Variants in SLC24A3 observed in about 807,000 individuals in gnomAD.
The protein encoded by SLC24A3 is solute carrier family 24 member 3.
SLC24A3 carries 28 observed loss-of-function variants against 75.8 expected under a neutral mutation model. The ratio of observed to expected loss-of-function variants is 0.37; its 90% CI spans 0.27 to 0.51. SLC24A3 has a LOEUF of 0.51. Ranked by LOEUF, SLC24A3 falls within the 20% of genes least tolerant of loss-of-function variation. The probability of loss-of-function intolerance (pLI) is 0.94; values close to 1 mark genes in which losing one functional copy is unlikely to be tolerated. For missense variants in SLC24A3, 663 were observed against 847.8 expected, an observed-to-expected ratio of 0.78 and a Z score of 2.71; for synonymous variants, 372 against 334.1, an observed-to-expected ratio of 1.11 and a Z score of -1.24.
At chr20:19,249,062 G>T (rs1982576034) in intron 1 of SLC24A3, among the ~76,000 whole-genome samples, 1 of 151,878 alleles carries the variant, frequency 6.6e-6, no homozygotes, top group Non-Finnish European at 1.5e-5. Flanking sequence ...AAGTATTTGA[G>T]ATAACGAATA....
chr20:19,471,922 C>T (rs1987880110), intron 2 of SLC24A3, among the ~76,000 whole-genome samples: 2 of 152,178 alleles, frequency 1.3e-5, no homozygotes, highest in South Asian at 4.1e-4. Flanking sequence ...TAATAGTCTG[C>T]AAATCTCTGC....
At chr20:19,424,460 C>T (rs1454169099) in intron 2 of SLC24A3, among the ~76,000 whole-genome samples, 1 of 151,730 alleles carries the variant, frequency 6.6e-6, no homozygotes. Flanking sequence ...GAGGCTGAGG[C>T]GGGTGAATCA....
intron 1 of SLC24A3, among the ~76,000 whole-genome samples, chr20:19,275,785 C>T (rs747657158): frequency 2.0e-5 from 3 of 152,178 alleles, no homozygotes; most frequent in Non-Finnish European, 4.4e-5. Flanking sequence ...GGTTTCCTCC[C>T]CTTCTAGCCA....
chr20:19,468,952 T>C (rs1741261405), intron 2 of SLC24A3, among the ~76,000 whole-genome samples: 1 of 152,120 alleles, frequency 6.6e-6, no homozygotes, highest in African/African-American at 2.4e-5. Flanking sequence ...ATTGGAGCCC[T>C]GAGGGTTCTA....
rs541776083 is a variant in SLC24A3 at position 19,693,331 on chromosome 20, A to G, written c.1397A>G (p.Asn466Ser). The G allele has an allele frequency of 6.2e-7, 1 of 1,614,092 alleles. No individual in the cohort carries two copies. Among genetic ancestry groups the G allele is most frequent in the Admixed American group, 1.7e-5 (1 of 60,022 alleles). The change falls in exon 13 of 17, where the codon AAC (asparagine) becomes AGC (serine). Residue 466 changes from asparagine to serine, a missense_variant. Transcript: ENST00000328041. ...LSFVLYFTVP[N>S]CNKPRWEKWF... is the part of the protein sequence containing the mutation. ...TTCGTCTTATACTTCACTGTACCCA[A>G]CTGCAACAAGCCGCGCTGGGAGAAA...
chr20:19,396,950 A>ACGGCCTGT (rs1568607751), intron 2 of SLC24A3, among the ~76,000 whole-genome samples: 2 of 152,194 alleles, frequency 1.3e-5, no homozygotes, highest in African/African-American at 4.8e-5. Context: ...ATATGTACCC[A>ACGGCCTGT]CGGCCTGTGT....
At chr20:19,368,645 C>T (rs1161793446) in intron 2 of SLC24A3, among the ~76,000 whole-genome samples, 2 of 152,250 alleles carry the variant, frequency 1.3e-5, no homozygotes, top group Non-Finnish European at 2.9e-5. Flanking sequence ...GGTACATCTG[C>T]TTCACCTCTC....
Position 19,721,406 on chromosome 20 carries a change from A to C in SLC24A3, c.*266A>C. ...CGTGACTTTTCCAGCTCCATTTTTG[A>C]ACAGTGACTGAGATTCTAGAAAAAC... On this transcript the variant is annotated 3_prime_UTR_variant, in exon 17 of 17. Coordinates refer to ENST00000328041, the MANE Select transcript of SLC24A3 (RefSeq NM_020689.4). 1 of 390,760 alleles carries C rather than the reference A, an allele frequency of 2.6e-6. No homozygotes were observed. The highest frequency in any genetic ancestry group is 4.2e-5 in the Admixed American group (1 of 23,796). The allele number at this position is 390,760 out of a possible 1,614,324, so 24.2% of individuals were successfully genotyped here.
intron 1 of SLC24A3, among the ~76,000 whole-genome samples, chr20:19,244,591 G>GGCAGC (rs1463090642): frequency 9.2e-5 from 14 of 152,274 alleles, no homozygotes; most frequent in African/African-American, 3.1e-4. Context: ...GGTGGGAGAA[G>GGCAGC]GCAGCGGCAG....
chr20:19,223,696 T>C (rs1276967430), intron 1 of SLC24A3, among the ~76,000 whole-genome samples: 2 of 152,218 alleles, frequency 1.3e-5, no homozygotes, highest in Non-Finnish European at 2.9e-5. Flanking sequence ...CAAAATATCT[T>C]CTTGTACTGT....
intron 6 of SLC24A3, among the ~76,000 whole-genome samples, chr20:19,590,359 G>A (rs1221186916): frequency 6.6e-6 from 1 of 151,896 alleles, no homozygotes; most frequent in Non-Finnish European, 1.5e-5. Flanking sequence ...CTATCTTATT[G>A]TTCCCCAGAC....
intron 1 of SLC24A3, among the ~76,000 whole-genome samples, chr20:19,233,382 G>T (rs1982079503): frequency 6.6e-6 from 1 of 152,360 alleles, no homozygotes; most frequent in East Asian, 1.9e-4. Context: ...ATACATGGAC[G>T]CATCTTGTCC....
intron 6 of SLC24A3, among the ~76,000 whole-genome samples, chr20:19,611,867 C>G (rs920303246): frequency 6.6e-6 from 1 of 152,184 alleles, no homozygotes; most frequent in African/African-American, 2.4e-5. Context: ...CATAAAGCAG[C>G]CTTTGGCGCA....
At position 19,566,830 on chromosome 20, in the gene SLC24A3, C is replaced by T. The variant is rs569215206; in HGVS notation, c.349-13170C>T. 6.6e-5 allele frequency among the ~76,000 whole-genome samples: 10 copies of T among 152,256 alleles called. No individual in the cohort carries two copies. In the South Asian group the frequency reaches 2.1e-3, roughly 32 times the overall value. On this transcript the variant is annotated intron_variant, in intron 3 of 16. Transcript: ENST00000328041. ...TGGCAGCAGGGCTTCAGGAGGATGG[C>T]AGTGAGAGGGGATTTCACTTTTTCA...
intron 8 of SLC24A3, among the ~76,000 whole-genome samples, chr20:19,671,039 CA>C (rs1488739063): frequency 6.6e-6 from 1 of 152,106 alleles, no homozygotes; most frequent in Non-Finnish European, 1.5e-5. Context: ...AATATATAAA[CA>C]AGATAATCAC....
In SLC24A3 at chr20:19,560,342, CTGT is replaced by C. The variant is rs571371520; in HGVS notation, c.349-19650_349-19648del. 3.0e-3 allele frequency among the ~76,000 whole-genome samples: 450 copies of C among 152,322 alleles called. 4 individuals are homozygous for C. The highest frequency in any genetic ancestry group is 0.01 in the African/African-American group (422 of 41,576). ...GGCATCAATTCCTACTCCTGTCTCT[CTGT>C]TGTTGTTAATTGTTCTTGGGCTTTT... is the stretch of plus-strand genomic sequence containing the variant. On this transcript the variant is annotated intron_variant, in intron 3 of 16. Coordinates refer to ENST00000328041, the MANE Select transcript of SLC24A3 (RefSeq NM_020689.4).
intron 6 of SLC24A3, among the ~76,000 whole-genome samples, chr20:19,592,626 CA>C (rs1651462671): frequency 6.6e-6 from 1 of 152,132 alleles, no homozygotes; most frequent in Non-Finnish European, 1.5e-5. Context: ...CTCTCGTGGC[CA>C]GGGGTGAGGA....
At chr20:19,229,786 C>T (rs1208980377) in intron 1 of SLC24A3, among the ~76,000 whole-genome samples, 1 of 152,074 alleles carries the variant, frequency 6.6e-6, no homozygotes, top group Non-Finnish European at 1.5e-5. Context: ...GTCTTTTCCT[C>T]TTCATTCTGT....
At chr20:19,289,322 C>T (rs537210509) in intron 2 of SLC24A3, among the ~76,000 whole-genome samples, 3 of 152,294 alleles carry the variant, frequency 2.0e-5, no homozygotes, top group African/African-American at 7.2e-5. Flanking sequence ...CTGGAACACC[C>T]CTTGCTCCAG....
Sources: gnomAD v4.1 joint callset for allele counts (sites outside exome capture counted in the v4.1 genomes callset) on GRCh38, gnomAD v4.1.1 for gene constraint, MANE v1.5 for transcripts, NCBI Gene and HGNC (gene_info 2026-07-23, HGNC 2026-07-21) for gene names.